The following ZFAND4 variants were observed in gnomAD, a reference collection of about 807,000 sequenced individuals.
ZFAND4 encodes the protein AN1-type zinc finger protein 4.
In ZFAND4, 43 loss-of-function variants were observed where a neutral mutation model predicts 64.4. The observed-to-expected ratio is 0.67, with a 90% CI of 0.52 to 0.86. ZFAND4 has a LOEUF of 0.86. Ranked by LOEUF, ZFAND4 falls within the 40% of genes least tolerant of loss-of-function variation. The pLI, the probability that ZFAND4 is intolerant of heterozygous loss-of-function variation, is 0.00. For synonymous variants in ZFAND4, 296 were observed against 305.7 expected, an observed-to-expected ratio of 0.97 and a Z score of 0.33; for missense variants, 929 against 859.8, an observed-to-expected ratio of 1.08 and a Z score of -1.01.
intron 7 of ZFAND4, 104 bp downstream of exon 7, chr10:45,625,847 T>A (rs1161898234): frequency 9.3e-7 from 1 of 1,073,600 alleles, no homozygotes; most frequent in Non-Finnish European, 1.3e-6. Flanking sequence ...ATGAAAATAA[T>A]CTAATCTTAG....
At chr10:45,645,957 T>C (rs960301009) in intron 5 of ZFAND4, among the ~76,000 whole-genome samples, 4 of 152,054 alleles carry the variant, frequency 2.6e-5, no homozygotes, top group African/African-American at 4.8e-5. Flanking sequence ...TGGACTGATA[T>C]CAGCATCTGA....
intron 8 of ZFAND4, among the ~76,000 whole-genome samples, chr10:45,621,831 A>AT (rs992376556): frequency 2.0e-5 from 3 of 152,098 alleles, no homozygotes; most frequent in African/African-American, 4.8e-5. Flanking sequence ...ATAGCCTAGA[A>AT]TTTTTTTTAA....
rs151151437 is a variant in ZFAND4, at chr10:45,640,946, C to T, written c.570-983G>A. The stretch of plus-strand genomic sequence containing the variant: ...GTTAAACATTTCAATTACTGATCAA[C>T]CACAGCGACGTTATTCATATTTCAA... On this transcript the variant is annotated intron_variant, in intron 5 of 9. Coordinates refer to ENST00000344646, the MANE Select transcript of ZFAND4 (RefSeq NM_174890.4). Among the ~76,000 whole-genome samples, 4 of 152,312 alleles carry T rather than the reference C, an allele frequency of 2.6e-5. No homozygotes were observed. In the East Asian group the frequency reaches 7.7e-4, roughly 29 times the overall value.
chr10:45,624,433 T>TA, intron 8 of ZFAND4, 150 bp downstream of exon 8: 1 of 629,736 alleles, frequency 1.6e-6, no homozygotes, highest in Non-Finnish European at 2.7e-6. Flanking sequence ...TTCTCATAAT[T>TA]ATTCTTAATT....
At chr10:45,655,590 T>C (rs1241036161) in intron 2 of ZFAND4, among the ~76,000 whole-genome samples, 1 of 152,000 alleles carries the variant, frequency 6.6e-6, no homozygotes, top group Non-Finnish European at 1.5e-5. Flanking sequence ...TTTGGAAATA[T>C]AAACAAAATC....
intron 2 of ZFAND4, among the ~76,000 whole-genome samples, chr10:45,658,224 AGG>A (rs1277531252): frequency 6.6e-6 from 1 of 152,206 alleles, no homozygotes; most frequent in African/African-American, 2.4e-5. Flanking sequence ...CCATATAAAA[AGG>A]AGAAATTTGG....
rs748928705 is a variant in ZFAND4, at chr10:45,625,951, CA to C, written c.1871del (p.Leu624CysfsTer8). ...AGCATGTTGAAAGGAAAATACTGAC[CA>C]AAAAAACTCCTGTATGTTCTAACTG... ...SPQLEHTGVF[L>X]STHGVGMNGN... On this transcript the variant is annotated frameshift_variant and splice_region_variant, in exon 7 of 10. Coordinates refer to ENST00000344646, the MANE Select transcript of ZFAND4 (RefSeq NM_174890.4). LOFTEE classifies it high-confidence loss of function. 5 of 1,611,372 alleles carry C rather than the reference CA, an allele frequency of 3.1e-6. No homozygotes were observed. The highest frequency in any genetic ancestry group is 2.7e-5 in the African/African-American group (2 of 74,572).
Position 45,615,545 on chromosome 10 carries a change from G to T in ZFAND4, c.*891C>A, listed in dbSNP as rs2044894819. On this transcript the variant is annotated 3_prime_UTR_variant, in exon 10 of 10. Transcript: ENST00000344646. ...CATTTAATTAAATAGTTTTATAAAAGAAAAATTATTTATAAAAGAAAAACT... is the reference window on the plus strand; with the variant it reads ...CATTTAATTAAATAGTTTTATAAAATAAAAATTATTTATAAAAGAAAAACT... The T allele has an allele frequency of 6.6e-6, 1 of 151,738 alleles. No individual in the cohort carries two copies. The highest frequency in any genetic ancestry group is 2.1e-4 in the South Asian group (1 of 4,824). The allele number at this position is 151,738 out of a possible 1,614,324, so 9.4% of individuals were successfully genotyped here. A position where few individuals can be genotyped will look rare whatever the true frequency, so the allele number is the denominator to read the frequency against.
chr10:45,652,324 G>A (rs2047811606), intron 3 of ZFAND4, among the ~76,000 whole-genome samples: 1 of 152,188 alleles, frequency 6.6e-6, no homozygotes, highest in Admixed American at 6.5e-5. Flanking sequence ...AGGAGGCCCA[G>A]AGAACAAAAG....
intron 1 of ZFAND4, among the ~76,000 whole-genome samples, chr10:45,668,648 G>A (rs117874558): frequency 0.019 from 2,920 of 152,268 alleles, 71 homozygotes; most frequent in Admixed American, 0.059. Flanking sequence ...ATAGCTGGAA[G>A]TAAAGCACTC....
chr10:45,638,172 T>C (rs766614112), intron 6 of ZFAND4, among the ~76,000 whole-genome samples: 21 of 151,860 alleles, frequency 1.4e-4, no homozygotes, highest in Non-Finnish European at 2.9e-4. Flanking sequence ...CTGGGAAGAA[T>C]GTAAATTGGT....
rs759748804 is a variant in ZFAND4, at chr10:45,626,984, G to A, written c.839C>T (p.Ser280Leu). The change falls in exon 7 of 10, where the codon TCA becomes TTA. Residue 280 changes from serine to leucine, a missense_variant. Physicochemically the swap from Ser to Leu is moderately radical, Grantham distance 145. Coordinates refer to ENST00000344646, the MANE Select transcript of ZFAND4 (RefSeq NM_174890.4). ...RVLPNIGQSC[S>L]PAFGNAYPPE... is the part of the protein sequence containing the mutation. ...CGGATATGCATTCCCAAAAGCAGGT[G>A]AACAAGATTGACCAATGTTGGGGAG... 5.0e-6 allele frequency: 8 copies of A among 1,614,022 alleles called. No individual in the cohort carries two copies. In the East Asian group the frequency reaches 6.7e-5, roughly 13 times the overall value.
intron 6 of ZFAND4, among the ~76,000 whole-genome samples, chr10:45,638,000 C>T (rs372138108): frequency 1.3e-5 from 2 of 152,002 alleles, no homozygotes; most frequent in Admixed American, 1.3e-4. Context: ...ACATAAAAAA[C>T]GTATCTTAAT....
chr10:45,655,983 G>C (rs1311184954), intron 2 of ZFAND4, among the ~76,000 whole-genome samples: 1 of 152,182 alleles, frequency 6.6e-6, no homozygotes, highest in African/African-American at 2.4e-5. Flanking sequence ...TGTAATCCCA[G>C]CACTTTGGGA....
At chr10:45,625,839 G>T in intron 7 of ZFAND4, 112 bp downstream of exon 7, 1 of 1,037,138 alleles carries the variant, frequency 9.6e-7, no homozygotes, top group Non-Finnish European at 1.4e-6. Context: ...ATAAATTTAT[G>T]AAAATAATCT....
chr10:45,646,903 T>C (rs1564605618), intron 5 of ZFAND4, among the ~76,000 whole-genome samples: 1 of 152,216 alleles, frequency 6.6e-6, no homozygotes, highest in Non-Finnish European at 1.5e-5. Flanking sequence ...GCTAACCAGA[T>C]GCTGACATGT....
chr10:45,640,423 T>TAAAA lies in ZFAND4; in HGVS notation c.570-464_570-461dup, dbSNP rs35229531. The stretch of plus-strand genomic sequence containing the variant: ...TTAGTCATCCTGAGGAGATTCTCAC[T>TAAAA]AAAAAAAAAAAAAAAAAAAGAATTC... On this transcript the variant is annotated intron_variant, in intron 5 of 9. Transcript: ENST00000344646. The TAAAA allele has an allele frequency of 8.2e-4, 756 of 917,574 alleles. 5 individuals are homozygous for TAAAA. The African/African-American group carries it at 0.015, about 18-fold the overall frequency. 56.8% of individuals were successfully genotyped at this position (917,574 alleles called of 1,614,324 possible). A position where few individuals can be genotyped will look rare whatever the true frequency, so the allele number is the denominator to read the frequency against.
chr10:45,648,842 C>T (rs1157605120), intron 4 of ZFAND4: 1 of 705,284 alleles, frequency 1.4e-6, no homozygotes, highest in Non-Finnish European at 1.7e-6. Context: ...TCACTAGAGT[C>T]TGTGTATTTG....
chr10:45,625,711 A>G (rs983565403), intron 7 of ZFAND4, among the ~76,000 whole-genome samples: 6 of 152,154 alleles, frequency 3.9e-5, no homozygotes, highest in Non-Finnish European at 5.9e-5. Context: ...ATATACATAC[A>G]TATCTGATAA....
Sources: allele counts gnomAD v4.1 joint callset (sites outside exome capture counted in the v4.1 genomes callset), GRCh38; gene constraint gnomAD v4.1.1; transcripts MANE v1.5; gene names NCBI Gene and HGNC (gene_info 2026-07-23, HGNC 2026-07-21).